Variants in ZSCAN20 observed in about 807,000 individuals in gnomAD.
The protein encoded by ZSCAN20 is zinc finger and SCAN domain containing 20.
ZSCAN20 carries 39 observed loss-of-function variants against 97.1 expected under a neutral mutation model. That is an observed-to-expected ratio of 0.40 (90% confidence interval 0.31 to 0.52). The LOEUF is 0.52. Among genes scored for constraint, ZSCAN20 ranks in the 20% least tolerant of loss-of-function variants. ZSCAN20 has a pLI of 0.49. For synonymous variants in ZSCAN20, 456 were observed against 467.3 expected (o/e 0.98, Z 0.31); for missense variants, 1,115 against 1,290.4 (o/e 0.86, Z 2.08).
intron 5 of ZSCAN20, among the ~76,000 whole-genome samples, 195 bp from the exon 6 acceptor site, chr1:33,490,830 A>T (rs1285684634): frequency 6.6e-6 from 1 of 152,220 alleles, no homozygotes; most frequent in African/African-American, 2.4e-5. Flanking sequence ...CAAAGTAAAC[A>T]GGTCACTTAA....
In ZSCAN20 at chr1:33,497,285, C is replaced by T. The variant is rs1324800993; in HGVS notation, c.*1809C>T. On this transcript the variant is annotated 3_prime_UTR_variant, in exon 8 of 8. Coordinates refer to ENST00000684572, the MANE Select transcript of ZSCAN20 (RefSeq NM_001377376.1). ...CTCCCAGTTTACCTTTTCTGGCCCACGTTATCTCTGCGGGGCAGGGGTCAT... is the reference window on the plus strand; with the variant it reads ...CTCCCAGTTTACCTTTTCTGGCCCATGTTATCTCTGCGGGGCAGGGGTCAT... 2.0e-5 allele frequency among the ~76,000 whole-genome samples: 3 copies of T among 152,162 alleles called. No homozygotes were observed. Among genetic ancestry groups the T allele is most frequent in the South Asian group, 2.1e-4 (1 of 4,832 alleles).
Position 33,479,790 on chromosome 1 carries a change from A to G in ZSCAN20, c.417+85A>G, listed in dbSNP as rs1652076346. The G allele has an allele frequency of 6.0e-6, 8 of 1,328,674 alleles. No homozygotes were observed. In the African/African-American group the frequency reaches 7.4e-5, roughly 12 times the overall value. 82.3% of individuals were successfully genotyped at this position (1,328,674 alleles called of 1,614,324 possible). ...CTACGTTAATAATTGCCAAATTCAC[A>G]ATAAAAATAACAATAGTTATTGAGA... On this transcript the variant is annotated intron_variant, in intron 2 of 7. Coordinates refer to ENST00000684572, the MANE Select transcript of ZSCAN20 (RefSeq NM_001377376.1).
At position 33,493,405 on chromosome 1, in the gene ZSCAN20, C is replaced by T. The variant is rs1461465045; in HGVS notation, c.1663C>T (p.Pro555Ser). The T allele has an allele frequency of 4.3e-6, 7 of 1,614,168 alleles. No homozygotes were observed. Among genetic ancestry groups the T allele is most frequent in the Non-Finnish European group, 5.9e-6 (7 of 1,180,032 alleles). ...RSYRKAKSSHPPGTCPFYEEL... is the reference protein window; with the variant it reads ...RSYRKAKSSHSPGTCPFYEEL... ...CTACCGGAAAGCCAAGAGCAGCCACCCACCAGGGACATGCCCTTTCTATGA... is the reference window on the plus strand; with the variant it reads ...CTACCGGAAAGCCAAGAGCAGCCACTCACCAGGGACATGCCCTTTCTATGA... The change falls in exon 7 of 8, where the codon CCA (proline) becomes TCA (serine). Residue 555 changes from proline (P) to serine (S), a missense_variant. Coordinates refer to ENST00000684572, the MANE Select transcript of ZSCAN20 (RefSeq NM_001377376.1). This position sits in a 1 kb window ranked among gnomAD's most constrained non-coding sequence, Gnocchi z 4.3.
chr1:33,490,088 G>C (rs1005799670), intron 5 of ZSCAN20, among the ~76,000 whole-genome samples: 1 of 152,148 alleles, frequency 6.6e-6, no homozygotes, highest in Non-Finnish European at 1.5e-5. Flanking sequence ...ATAGGGAGCC[G>C]TTTCCCTGTG....
At chr1:33,489,896 C>G (rs1203599496) in intron 5 of ZSCAN20, among the ~76,000 whole-genome samples, 1 of 152,102 alleles carries the variant, frequency 6.6e-6, no homozygotes, top group Non-Finnish European at 1.5e-5. Flanking sequence ...TCTCAGAAAT[C>G]TGATTTTTTT....
chr1:33,493,620 G>T lies in ZSCAN20; in HGVS notation c.1873+5G>T, dbSNP rs1652717326. ...GTCCTAAAGCCCCAGACATGGGTAAGCCTGGAGTAATTGGATGTTCTCAAA... is the reference window on the plus strand; with the variant it reads ...GTCCTAAAGCCCCAGACATGGGTAATCCTGGAGTAATTGGATGTTCTCAAA... On this transcript the variant is annotated splice_donor_5th_base_variant and intron_variant, in intron 7 of 7. Coordinates refer to ENST00000684572, the MANE Select transcript of ZSCAN20 (RefSeq NM_001377376.1). This position sits in a 1 kb window ranked among gnomAD's most constrained non-coding sequence, Gnocchi z 4.3. 1 of 1,545,180 alleles carries T rather than the reference G, an allele frequency of 6.5e-7. No individual in the cohort carries two copies. The highest frequency in any genetic ancestry group is 2.0e-5 in the Admixed American group (1 of 50,428).
chr1:33,488,436 G>T (rs769095358), intron 2 of ZSCAN20, 29 bp from the exon 3 acceptor site: 4 of 1,605,658 alleles, frequency 2.5e-6, no homozygotes, highest in Admixed American at 1.7e-5. Flanking sequence ...CTGAATTGTT[G>T]ATTGGGAATT....
At position 33,479,592 on chromosome 1, in the gene ZSCAN20, A is replaced by G. The variant is rs764693572; in HGVS notation, c.304A>G (p.Ile102Val). 3 of 1,613,808 alleles carry G rather than the reference A, an allele frequency of 1.9e-6. No homozygotes were observed. The highest frequency in any genetic ancestry group is 1.3e-5 in the African/African-American group (1 of 75,020). The part of the protein sequence containing the change: ...ELLVLEQFLT[I>V]LPREVQTWVQ... Reference sequence around the variant, plus strand: ...GCTCGTGCTGGAGCAGTTCCTGACTATCTTGCCTAGGGAGGTCCAGACCTG... The same window carrying G: ...GCTCGTGCTGGAGCAGTTCCTGACTGTCTTGCCTAGGGAGGTCCAGACCTG... Residue 102 changes from isoleucine to valine, a missense_variant, in exon 2 of 8, where the codon ATC becomes GTC. This residue lies in a region of ZSCAN20 where 508 missense variants were observed against 611.2 expected (regional missense o/e 0.83). Transcript: ENST00000684572.
chr1:33,483,151 T>C (rs1652217440), intron 2 of ZSCAN20, among the ~76,000 whole-genome samples: 1 of 152,194 alleles, frequency 6.6e-6, no homozygotes, highest in African/African-American at 2.4e-5. Context: ...CCTGACATTA[T>C]CTCAGTTTTC....
rs939392486 is a variant in ZSCAN20 at position 33,479,227 on chromosome 1, G to A, written c.-62G>A. 1.4e-5 allele frequency: 21 copies of A among 1,512,178 alleles called. No individual in the cohort carries two copies. The highest frequency in any genetic ancestry group is 1.1e-4 in the South Asian group (8 of 75,904). 93.7% of individuals were successfully genotyped at this position (1,512,178 alleles called of 1,614,324 possible). A position where few individuals can be genotyped will look rare whatever the true frequency, so the allele number is the denominator to read the frequency against. ...CTAGGAGCCTCTTGAAGGACTCACC[G>A]TAGATGCAGGAAGACATTGGATGAG... On this transcript the variant is annotated 5_prime_UTR_variant, in exon 2 of 8. Coordinates refer to ENST00000684572, the MANE Select transcript of ZSCAN20 (RefSeq NM_001377376.1).
rs1445534852 is a variant in ZSCAN20 at position 33,501,560 on chromosome 1, T to C, written c.*6084T>C. The stretch of plus-strand genomic sequence containing the variant: ...TATTTTTTTTTTTTTTGTGCTGTTA[T>C]GTACATCTCTTAAAGCTGGTCAAAT... On this transcript the variant is annotated 3_prime_UTR_variant, in exon 8 of 8. Coordinates refer to ENST00000684572, the MANE Select transcript of ZSCAN20 (RefSeq NM_001377376.1). 6.6e-6 allele frequency among the ~76,000 whole-genome samples: 1 copy of C among 151,222 alleles called. No homozygotes were observed. Among genetic ancestry groups the C allele is most frequent in the Non-Finnish European group, 1.5e-5 (1 of 67,822 alleles).
rs1309848827 is a variant in ZSCAN20, at chr1:33,500,595, G to A, written c.*5119G>A. 1.3e-5 allele frequency among the ~76,000 whole-genome samples: 2 copies of A among 151,094 alleles called. No homozygotes were observed. The highest frequency in any genetic ancestry group is 4.9e-5 in the African/African-American group (2 of 41,008). ...ATTTTCTAATGAGGGCGCTGTTGGT[G>A]ATTCTTTTTGTGTGTAAAGATGCTT... On this transcript the variant is annotated 3_prime_UTR_variant, in exon 8 of 8. Coordinates refer to ENST00000684572, the MANE Select transcript of ZSCAN20 (RefSeq NM_001377376.1).
rs1337373996 is a variant in ZSCAN20 at position 33,494,731 on chromosome 1, G to C, written c.2387G>C (p.Cys796Ser). 6.2e-7 allele frequency: 1 copy of C among 1,614,148 alleles called. No homozygotes were observed. The highest frequency in any genetic ancestry group is 1.7e-5 in the Admixed American group (1 of 60,022). The change falls in exon 8 of 8, where the codon TGT (cysteine) becomes TCT (serine). Residue 796 changes from cysteine to serine, a missense_variant. Physicochemically the swap from Cys to Ser is moderately radical, Grantham distance 112. This residue lies in a region of ZSCAN20 where 554 missense variants were observed against 584.9 expected (regional missense o/e 0.95). Transcript: ENST00000684572. The stretch of plus-strand genomic sequence containing the variant: ...CACACGGGGGAAAAGCCCTATAAAT[G>C]TGGAGAATGTTGGAAAAGCTTCAAC... ...RIHTGEKPYK[C>S]GECWKSFNQS...
Position 33,493,917 on chromosome 1 carries a change from A to G in ZSCAN20, c.1874-301A>G, listed in dbSNP as rs1652728220. Among the ~76,000 whole-genome samples the G allele has an allele frequency of 6.6e-6, 1 of 152,126 alleles. No homozygotes were observed. Among genetic ancestry groups the G allele is most frequent in the East Asian group, 1.9e-4 (1 of 5,180 alleles). On this transcript the variant is annotated intron_variant, in intron 7 of 7. Coordinates refer to ENST00000684572, the MANE Select transcript of ZSCAN20 (RefSeq NM_001377376.1). The surrounding 1 kb of genome is among the most constrained non-coding windows in gnomAD (Gnocchi z 4.3). ...AAGGAGGTGTTCATGATTGAGTACTAAGATAGAGGAGTTTGATGGGGAAAC... is the reference window on the plus strand; with the variant it reads ...AAGGAGGTGTTCATGATTGAGTACTGAGATAGAGGAGTTTGATGGGGAAAC...
At chr1:33,486,757 G>A (rs1465082359) in intron 2 of ZSCAN20, among the ~76,000 whole-genome samples, 1 of 152,182 alleles carries the variant, frequency 6.6e-6, no homozygotes, top group Non-Finnish European at 1.5e-5. Context: ...TGATAACAAA[G>A]TGAATTTTTT....
At chr1:33,486,573 G>GA (rs538103995) in intron 2 of ZSCAN20, among the ~76,000 whole-genome samples, 6 of 152,294 alleles carry the variant, frequency 3.9e-5, no homozygotes, top group Non-Finnish European at 5.9e-5. Flanking sequence ...CTAGAAGTCT[G>GA]ACCTACTAAT....
At chr1:33,480,231 G>A (rs1034541567) in intron 2 of ZSCAN20, among the ~76,000 whole-genome samples, 19 of 152,174 alleles carry the variant, frequency 1.2e-4, no homozygotes, top group Non-Finnish European at 4.4e-5. Context: ...AAAGTTGGCC[G>A]GGAGTGGTGG....
In ZSCAN20 at chr1:33,479,299, C is replaced by A; in HGVS notation, c.11C>A (p.Ala4Asp). 1.2e-6 allele frequency: 2 copies of A among 1,606,020 alleles called. No individual in the cohort carries two copies. The highest frequency in any genetic ancestry group is 1.1e-5 in the South Asian group (1 of 89,378). MAM[A>D]LELQAQASPQ... ...TGTCTGGGTTAGACAATGGCTATGG[C>A]CCTGGAATTGCAAGCCCAGGCATCT... Residue 4 changes from alanine (A) to aspartate (D), a missense_variant, in exon 2 of 8, where the codon GCC becomes GAC. By Grantham distance (126) the Ala-to-Asp change is moderately radical. Transcript: ENST00000684572.
intron 1 of ZSCAN20, 60 bp from the exon 2 acceptor site, chr1:33,479,119 G>A: frequency 1.5e-6 from 1 of 662,794 alleles, no homozygotes; most frequent in Admixed American, 3.1e-5. Context: ...TGGGGGAAGG[G>A]GGAGAATGAA....
Sources: allele counts gnomAD v4.1 joint callset (sites outside exome capture counted in the v4.1 genomes callset), GRCh38; gene constraint gnomAD v4.1.1; regional missense constraint gnomAD v4.1.1; non-coding constraint Gnocchi (gnomAD v3.1); transcripts MANE v1.5; gene names NCBI Gene and HGNC (gene_info 2026-07-23, HGNC 2026-07-21).